The following RASAL2 variants were observed in gnomAD, a reference collection of about 807,000 sequenced individuals.
RASAL2 encodes the protein RAS protein activator like 2.
In RASAL2, 58 loss-of-function variants were observed where a neutral mutation model predicts 128.9. The observed-to-expected ratio is 0.45, with a 90% CI of 0.36 to 0.56. The LOEUF (loss-of-function observed/expected upper bound fraction) is 0.56, where lower values mean the gene tolerates loss of function less well. Among genes scored for constraint, RASAL2 ranks in the 20% least tolerant of loss-of-function variants. The pLI, the probability that RASAL2 is intolerant of heterozygous loss-of-function variation, is 0.00. For synonymous variants in RASAL2, 561 were observed against 580.8 expected (o/e 0.97, Z 0.49); for missense variants, 1,360 against 1,601.6 (o/e 0.85, Z 2.57).
chr1:178,296,878 G>T (rs1007154218), intron 2 of RASAL2, among the ~76,000 whole-genome samples: 8 of 151,456 alleles, frequency 5.3e-5, no homozygotes, highest in Admixed American at 3.9e-4. Flanking sequence ...CACCATGTTG[G>T]TCAGGCTGGT....
At chr1:178,258,607 A>G (rs1220049853) in intron 1 of RASAL2, among the ~76,000 whole-genome samples, 2 of 152,232 alleles carry the variant, frequency 1.3e-5, no homozygotes, top group Non-Finnish European at 2.9e-5. Context: ...AAAAAGTCAG[A>G]TAATAACAAG....
intron 3 of RASAL2, among the ~76,000 whole-genome samples, chr1:178,302,838 A>G (rs1289126980): frequency 5.9e-5 from 9 of 152,084 alleles, no homozygotes; most frequent in Admixed American, 5.2e-4. Flanking sequence ...TCAGGAGTTC[A>G]AGACCAGCCT....
intron 3 of RASAL2, among the ~76,000 whole-genome samples, chr1:178,340,332 A>AT (rs1289162800): frequency 1.3e-5 from 2 of 152,048 alleles, no homozygotes; most frequent in Non-Finnish European, 1.5e-5. Context: ...CAAACTATGA[A>AT]TTTTTTCATT....
At chr1:178,409,515 T>C (rs1349628904) in intron 4 of RASAL2, among the ~76,000 whole-genome samples, 1 of 152,128 alleles carries the variant, frequency 6.6e-6, no homozygotes, top group African/African-American at 2.4e-5. Flanking sequence ...GTGGTAAACA[T>C]GCATGGTGAA....
At chr1:178,169,618 T>C (rs1344480866) in intron 1 of RASAL2, among the ~76,000 whole-genome samples, 1 of 152,048 alleles carries the variant, frequency 6.6e-6, no homozygotes, top group African/African-American at 2.4e-5. Flanking sequence ...CGTTTATTAA[T>C]TGAAGAGTAC....
chr1:178,307,880 T>C (rs1668065660), intron 3 of RASAL2, among the ~76,000 whole-genome samples: 1 of 152,250 alleles, frequency 6.6e-6, no homozygotes, highest in Non-Finnish European at 1.5e-5. Flanking sequence ...GTTGTTTGCA[T>C]GTAACATCAT....
At chr1:178,383,554 C>T (rs1016502734) in intron 3 of RASAL2, among the ~76,000 whole-genome samples, 1 of 151,984 alleles carries the variant, frequency 6.6e-6, no homozygotes, top group African/African-American at 2.4e-5. Context: ...AGGAGTCCTC[C>T]AGCAAAAAAA....
intron 3 of RASAL2, among the ~76,000 whole-genome samples, chr1:178,330,307 C>G (rs1171182651): frequency 1.3e-5 from 2 of 152,118 alleles, no homozygotes; most frequent in Non-Finnish European, 2.9e-5. Context: ...TAATATATAT[C>G]TAAGATTCTG....
rs141153424 is a variant in RASAL2 at position 178,208,450 on chromosome 1, G to A, written c.203-75114G>A. Among the ~76,000 whole-genome samples, 1,366 of 152,186 alleles carry A rather than the reference G, an allele frequency of 9.0e-3. 21 individuals carry two copies. The highest frequency in any genetic ancestry group is 0.031 in the African/African-American group (1,284 of 41,512). On this transcript the variant is annotated intron_variant, in intron 1 of 17. Coordinates refer to ENST00000367649, the MANE Select transcript of RASAL2 (RefSeq NM_170692.4). Reference sequence around the variant, plus strand: ...CTGAGATACGCCCTGGTCTTCTGCAGTACCCTCAGGCTTACTAGGGTGGGA... The same window carrying A: ...CTGAGATACGCCCTGGTCTTCTGCAATACCCTCAGGCTTACTAGGGTGGGA...
intron 3 of RASAL2, among the ~76,000 whole-genome samples, chr1:178,333,278 C>T (rs1669428216): frequency 1.3e-5 from 2 of 152,124 alleles, no homozygotes; most frequent in South Asian, 2.1e-4. Flanking sequence ...CCGCCCGTCT[C>T]GGCCTCCCAA....
chr1:178,320,189 C>T (rs1384307005), intron 3 of RASAL2, among the ~76,000 whole-genome samples: 1 of 151,968 alleles, frequency 6.6e-6, no homozygotes, highest in Non-Finnish European at 1.5e-5. Flanking sequence ...AACCACTGCT[C>T]TCTTCAAAGC....
intron 3 of RASAL2, among the ~76,000 whole-genome samples, chr1:178,322,821 G>A (rs1418591373): frequency 6.6e-6 from 1 of 152,060 alleles, no homozygotes; most frequent in Non-Finnish European, 1.5e-5. Flanking sequence ...GACACTAAAC[G>A]TCCTATATAT....
intron 3 of RASAL2, chr1:178,389,310 A>G (rs954218234): frequency 9.4e-6 from 9 of 957,246 alleles, no homozygotes; most frequent in Non-Finnish European, 1.1e-5. Context: ...TGATAAAGGT[A>G]TAATACGTAT....
Position 178,141,081 on chromosome 1 carries a change from A to G in RASAL2, c.202+46387A>G, listed in dbSNP as rs544142540. ...TTATGTGAACTCAGAGCGAGAGCTCACTTATCACCAAGGGAATGGTGCCAA... is the reference window on the plus strand; with the variant it reads ...TTATGTGAACTCAGAGCGAGAGCTCGCTTATCACCAAGGGAATGGTGCCAA... On this transcript the variant is annotated intron_variant, in intron 1 of 17. Coordinates refer to ENST00000367649, the MANE Select transcript of RASAL2 (RefSeq NM_170692.4). Among the ~76,000 whole-genome samples the G allele has an allele frequency of 1.6e-3, 236 of 152,118 alleles. 1 individual carries two copies. Among genetic ancestry groups the G allele is most frequent in the African/African-American group, 5.4e-3 (224 of 41,524 alleles).
intron 14 of RASAL2, among the ~76,000 whole-genome samples, chr1:178,461,780 A>T (rs1406093564): frequency 2.0e-5 from 3 of 152,218 alleles, no homozygotes; most frequent in Admixed American, 1.3e-4. Flanking sequence ...TTTGGTGTTG[A>T]TAGCAGAAGG....
chr1:178,204,538 T>C lies in RASAL2; in HGVS notation c.203-79026T>C, dbSNP rs540872066. Among the ~76,000 whole-genome samples the C allele has an allele frequency of 2.6e-5, 4 of 152,320 alleles. No individual in the cohort carries two copies. The South Asian group carries it at 8.3e-4, about 32-fold the overall frequency. ...CTACACAGACTGGAGTATTTTATAT[T>C]TTAAAAGTGATACCCAGAACAAAAC... On this transcript the variant is annotated intron_variant, in intron 1 of 17. Transcript: ENST00000367649.
intron 1 of RASAL2, among the ~76,000 whole-genome samples, chr1:178,205,281 A>G (rs1187164147): frequency 1.3e-5 from 2 of 152,136 alleles, no homozygotes. Flanking sequence ...CTGTGATTAC[A>G]GGTGTGAGGC....
rs964362618 is a variant in RASAL2, at chr1:178,473,964, G to A, written c.*725G>A. 2.0e-5 allele frequency: 3 copies of A among 152,308 alleles called. No homozygotes were observed. The highest frequency in any genetic ancestry group is 7.2e-5 in the African/African-American group (3 of 41,462). 9.4% of individuals were successfully genotyped at this position (152,308 alleles called of 1,614,324 possible). On this transcript the variant is annotated 3_prime_UTR_variant, in exon 18 of 18. Coordinates refer to ENST00000367649, the MANE Select transcript of RASAL2 (RefSeq NM_170692.4). Reference sequence around the variant, plus strand: ...AATATGTTTATTTCCTCTGTCTACAGCAGATGGGAGTCTTCTCTTTTAGAC... The same window carrying A: ...AATATGTTTATTTCCTCTGTCTACAACAGATGGGAGTCTTCTCTTTTAGAC...
chr1:178,362,446 C>CTCCT (rs1157479186), intron 3 of RASAL2, among the ~76,000 whole-genome samples: 1 of 151,716 alleles, frequency 6.6e-6, no homozygotes, highest in Non-Finnish European at 1.5e-5. Flanking sequence ...CTCTCCCTCC[C>CTCCT]TCCTTCCTTC....
Sources: allele counts gnomAD v4.1 joint callset (sites outside exome capture counted in the v4.1 genomes callset), GRCh38; gene constraint gnomAD v4.1.1; transcripts MANE v1.5; gene names NCBI Gene and HGNC (gene_info 2026-07-23, HGNC 2026-07-21).